The following TASP1 variants were observed in gnomAD, a reference collection of about 807,000 sequenced individuals.
TASP1 encodes the protein taspase 1, also known as threonine aspartase 1.
A neutral mutation model predicts 56.6 loss-of-function variants in TASP1; 16 were observed. That is an observed-to-expected ratio of 0.28 (90% CI 0.19 to 0.43). TASP1 has a LOEUF of 0.43. TASP1 is among the 20% of genes least tolerant of loss of function. The pLI, the probability that TASP1 is intolerant of heterozygous loss-of-function variation, is 1.00. For synonymous variants in TASP1, 179 were observed against 184.2 expected (o/e 0.97, Z 0.23); for missense variants, 393 against 511.6 (o/e 0.77, Z 2.24).
intron 11 of TASP1, among the ~76,000 whole-genome samples, chr20:13,461,456 T>C (rs377101051): frequency 2.6e-5 from 4 of 152,282 alleles, no homozygotes; most frequent in African/African-American, 9.6e-5. Flanking sequence ...CGAATCCTTA[T>C]TGAATAATAA....
chr20:13,415,010 T>A (rs779864132), intron 13 of TASP1, among the ~76,000 whole-genome samples: 3 of 152,094 alleles, frequency 2.0e-5, no homozygotes, highest in Non-Finnish European at 2.9e-5. Flanking sequence ...GTGGCCTCAG[T>A]TTCTGAGTTT....
At chr20:13,219,668 G>A in the TASP1 span, among the ~76,000 whole-genome samples, 13 of 152,062 alleles carry the variant, frequency 8.5e-5, no homozygotes, top group African/African-American at 3.1e-4. Flanking sequence ...TTAATAAGAT[G>A]CTGGAGTTAG....
At chr20:13,154,170 T>C in the TASP1 span, 3 of 1,612,586 alleles carry the variant, frequency 1.9e-6, no homozygotes, top group South Asian at 3.3e-5. Flanking sequence ...TAATCACACC[T>C]AAACCCCAAG....
chr20:13,630,401 G>A (rs1259569952), intron 1 of TASP1, among the ~76,000 whole-genome samples: 1 of 152,094 alleles, frequency 6.6e-6, no homozygotes, highest in Non-Finnish European at 1.5e-5. Context: ...GATAGTACCT[G>A]CTTAGGGGCG....
At chr20:13,121,488 AC>A in the TASP1 span, among the ~76,000 whole-genome samples, 1 of 152,152 alleles carries the variant, frequency 6.6e-6, no homozygotes, top group African/African-American at 2.4e-5. Context: ...CCAAAAGGCC[AC>A]CCTTGCCCTT....
chr20:13,313,120 C>T, the TASP1 span, among the ~76,000 whole-genome samples: 1 of 152,202 alleles, frequency 6.6e-6, no homozygotes, highest in African/African-American at 2.4e-5. Context: ...ATGACTCCCG[C>T]ATCCAGGTCT....
the TASP1 span, among the ~76,000 whole-genome samples, chr20:13,121,565 T>C: frequency 6.6e-6 from 1 of 152,122 alleles, no homozygotes; most frequent in Non-Finnish European, 1.5e-5. Context: ...CGTGGAAACC[T>C]CGATACGAGG....
the TASP1 span, chr20:13,292,547 C>T: frequency 1.2e-6 from 1 of 826,580 alleles, no homozygotes; most frequent in Admixed American, 2.3e-5. Context: ...TCCTTGGATC[C>T]ACGTAAATGT....
At chr20:13,304,320 G>C in the TASP1 span, among the ~76,000 whole-genome samples, 82 of 152,284 alleles carry the variant, frequency 5.4e-4, 1 homozygote, top group South Asian at 0.017. Flanking sequence ...AAGAAAGGCA[G>C]CAGAAGAGGC....
the TASP1 span, among the ~76,000 whole-genome samples, chr20:13,242,105 G>A: frequency 6.6e-6 from 1 of 152,202 alleles, no homozygotes; most frequent in African/African-American, 2.4e-5. Flanking sequence ...GTGTCTTTAT[G>A]TAGAAGGTTT....
chr20:13,496,346 C>T (rs1415207161), intron 10 of TASP1, among the ~76,000 whole-genome samples: 5 of 152,132 alleles, frequency 3.3e-5, no homozygotes, highest in Non-Finnish European at 5.9e-5. Flanking sequence ...TGAGCCACTG[C>T]GCCCGGTCTG....
At chr20:13,470,718 T>C (rs1444259379) in intron 11 of TASP1, among the ~76,000 whole-genome samples, 1 of 152,176 alleles carries the variant, frequency 6.6e-6, no homozygotes, top group African/African-American at 2.4e-5. Flanking sequence ...ACAAGATGAT[T>C]TGGAGTCTAA....
At chr20:13,527,505 G>A (rs1190113797) in intron 10 of TASP1, among the ~76,000 whole-genome samples, 2 of 152,204 alleles carry the variant, frequency 1.3e-5, no homozygotes, top group Non-Finnish European at 2.9e-5. Flanking sequence ...ATGAGAAAAG[G>A]CTTCACGTAC....
chr20:13,576,310 G>GAAAGAAAGAAA, intron 6 of TASP1, among the ~76,000 whole-genome samples: 1 of 144,528 alleles, frequency 6.9e-6, no homozygotes, highest in African/African-American at 2.6e-5. Context: ...GAGAGAGAGA[G>GAAAGAAAGAAA]AGAGAAAGAA....
At chr20:13,164,708 T>C in the TASP1 span, 1 of 1,454,894 alleles carries the variant, frequency 6.9e-7, no homozygotes, top group Non-Finnish European at 9.6e-7. Flanking sequence ...AAAGCAGGGC[T>C]ACTTAGGTGT....
rs535461973 is a variant in TASP1 at position 13,463,855 on chromosome 20, A to T, written c.985+19372T>A. On this transcript the variant is annotated intron_variant, in intron 11 of 13. Transcript: ENST00000337743. ...ATCAAAAAAAGAAAAAACCCAGAAAATAACAAGTATTGGTGAGGATGTAAA... is the reference window on the plus strand; with the variant it reads ...ATCAAAAAAAGAAAAAACCCAGAAATTAACAAGTATTGGTGAGGATGTAAA... Among the ~76,000 whole-genome samples the T allele has an allele frequency of 7.2e-5, 11 of 152,272 alleles. No homozygotes were observed. The East Asian group carries it at 1.7e-3, about 24-fold the overall frequency.
At chr20:13,210,682 A>T in the TASP1 span, among the ~76,000 whole-genome samples, 1 of 151,704 alleles carries the variant, frequency 6.6e-6, no homozygotes, top group African/African-American at 2.4e-5. Flanking sequence ...GGTAAACAAT[A>T]ATCATCTTTA....
the TASP1 span, among the ~76,000 whole-genome samples, chr20:13,199,923 C>G: frequency 2.0e-5 from 3 of 152,204 alleles, no homozygotes; most frequent in Non-Finnish European, 4.4e-5. Context: ...AATAACTTTT[C>G]CACTTACGTA....
the TASP1 span, among the ~76,000 whole-genome samples, chr20:13,128,264 A>C: frequency 2.0e-5 from 3 of 152,222 alleles, no homozygotes; most frequent in Non-Finnish European, 4.4e-5. Flanking sequence ...TCCTTATGAC[A>C]GAAGTGAAGT....
Sources: gnomAD v4.1 joint callset for allele counts (sites outside exome capture counted in the v4.1 genomes callset) on GRCh38, gnomAD v4.1.1 for gene constraint, MANE v1.5 for transcripts, NCBI Gene and HGNC (gene_info 2026-07-23, HGNC 2026-07-21) for gene names.